AMMECR1L: variants seen among roughly 807,000 people sequenced by gnomAD.
AMMECR1L encodes AMMECR1-like protein.
Under a neutral mutation model 36.8 loss-of-function variants are expected in AMMECR1L, and 4 were observed. That is an observed-to-expected ratio of 0.11 (90% CI 0.05 to 0.25). The LOEUF (loss-of-function observed/expected upper bound fraction) is 0.25, where lower values mean the gene tolerates loss of function less well. AMMECR1L is among the 10% of genes least tolerant of loss of function. The pLI, the probability that AMMECR1L is intolerant of heterozygous loss-of-function variation, is 1.00. For missense variants in AMMECR1L, 232 were observed against 392.1 expected (o/e 0.59, Z 3.45); for synonymous variants, 147 against 148.0 (o/e 0.99, Z 0.05).
chr2:127,873,268 A>G lies in AMMECR1L; in HGVS notation c.407+560T>C, dbSNP rs1415752892. ...TTATTTAAGTCACTGAGACCAGTAG[A>G]GGGCTTGGGACAAGCAACAAAGAAT... On this transcript the variant is annotated intron_variant, in intron 3 of 7. Transcript: ENST00000272647. The surrounding 1 kb of genome is among the most constrained non-coding windows in gnomAD (Gnocchi z 5.2). 1 of 985,368 alleles carries G rather than the reference A, an allele frequency of 1.0e-6. No individual in the cohort carries two copies. The highest frequency in any genetic ancestry group is 1.2e-6 in the Non-Finnish European group (1 of 829,952). 61.0% of individuals were successfully genotyped at this position (985,368 alleles called of 1,614,324 possible).
rs1690570528 is a variant in AMMECR1L, at chr2:127,863,877, G to A, written c.*1217C>T. On this transcript the variant is annotated 3_prime_UTR_variant, in exon 8 of 8. Transcript: ENST00000272647. ...TGGAAATCAGCAACAATGGGAAAGG[G>A]AAATATGTCACATGAAAGTTTGAAA... The A allele has an allele frequency of 6.6e-6, 1 of 152,518 alleles. No individual in the cohort carries two copies. Among genetic ancestry groups the A allele is most frequent in the African/African-American group, 2.4e-5 (1 of 41,466 alleles). The allele number at this position is 152,518 out of a possible 1,614,324, so 9.4% of individuals were successfully genotyped here.
intron 2 of AMMECR1L, among the ~76,000 whole-genome samples, chr2:127,881,664 C>A (rs1398547036): frequency 6.6e-6 from 1 of 152,210 alleles, no homozygotes; most frequent in African/African-American, 2.4e-5. Flanking sequence ...TAACTACTAT[C>A]TATTAAGTGT....
At position 127,865,084 on chromosome 2, in the gene AMMECR1L, C is replaced by T; in HGVS notation, c.*10G>A. ...CCACGGGGGGGTGGGACTGGTCATG[C>T]AGCCGTGTGTCAGGAGTAATGATTG... On this transcript the variant is annotated 3_prime_UTR_variant, in exon 8 of 8. Transcript: ENST00000272647. This position sits in a 1 kb window ranked among gnomAD's most constrained non-coding sequence, Gnocchi z 5.4. 6.2e-7 allele frequency: 1 copy of T among 1,608,198 alleles called. No homozygotes were observed. The highest frequency in any genetic ancestry group is 1.1e-5 in the South Asian group (1 of 90,552).
chr2:127,871,075 G>T lies in AMMECR1L; in HGVS notation c.519-147C>A. 1.1e-6 allele frequency: 1 copy of T among 896,312 alleles called. No homozygotes were observed. The highest frequency in any genetic ancestry group is 1.7e-6 in the Non-Finnish European group (1 of 590,490). 55.5% of individuals were successfully genotyped at this position (896,312 alleles called of 1,614,324 possible). On this transcript the variant is annotated intron_variant, in intron 4 of 7. Transcript: ENST00000272647. The surrounding 1 kb of genome is among the most constrained non-coding windows in gnomAD (Gnocchi z 4.3). The stretch of plus-strand genomic sequence containing the variant: ...ACTAACATGTTAAAAACAACTCGAT[G>T]CTATTAACTGTCTGTACTTGAACTG...
Position 127,862,358 on chromosome 2 carries a change from C to T in AMMECR1L, c.*2736G>A, listed in dbSNP as rs1465692886. ...CCCTTTTCTTTAAACCTACCACGCA[C>T]ACCGCAGGTACTGGCCGCCCTCATC... On this transcript the variant is annotated 3_prime_UTR_variant, in exon 8 of 8. Coordinates refer to ENST00000272647, the MANE Select transcript of AMMECR1L (RefSeq NM_001199140.2). The T allele has an allele frequency of 5.2e-5, 8 of 153,820 alleles. No homozygotes were observed. In the Admixed American group the frequency reaches 5.2e-4, roughly 10 times the overall value. 9.5% of individuals were successfully genotyped at this position (153,820 alleles called of 1,614,324 possible). A position where few individuals can be genotyped will look rare whatever the true frequency, so the allele number is the denominator to read the frequency against.
At chr2:127,870,447 C>A (rs1419717499) in intron 5 of AMMECR1L, among the ~76,000 whole-genome samples, 1 of 152,008 alleles carries the variant, frequency 6.6e-6, no homozygotes, top group Non-Finnish European at 1.5e-5. Flanking sequence ...TGCACTCCAG[C>A]CTGGGGAACA....
chr2:127,867,035 G>C (rs1347166857), intron 6 of AMMECR1L, 39 bp from the exon 7 acceptor site: 1 of 1,612,278 alleles, frequency 6.2e-7, no homozygotes, highest in African/African-American at 1.3e-5. Context: ...CAATGCACAT[G>C]CAAGAGTAAG....
chr2:127,868,819 G>A (rs931274348), intron 6 of AMMECR1L, among the ~76,000 whole-genome samples: 4 of 151,910 alleles, frequency 2.6e-5, no homozygotes, highest in African/African-American at 9.7e-5. Context: ...CTGCCTCCTG[G>A]GTTCAAGTGA....
intron 2 of AMMECR1L, among the ~76,000 whole-genome samples, chr2:127,883,038 C>A (rs916275743): frequency 2.0e-5 from 3 of 151,682 alleles, no homozygotes; most frequent in African/African-American, 7.3e-5. Context: ...CGCCACCATG[C>A]CTGGCAACAA....
chr2:127,883,554 CCT>C (rs1186391255), intron 2 of AMMECR1L, among the ~76,000 whole-genome samples: 4 of 151,996 alleles, frequency 2.6e-5, no homozygotes, highest in Non-Finnish European at 5.9e-5. Flanking sequence ...ACATTTATCC[CCT>C]GTGTCCCTCA....
chr2:127,862,634 C>T lies in AMMECR1L; in HGVS notation c.*2460G>A, dbSNP rs558783774. The T allele has an allele frequency of 6.5e-6, 1 of 152,902 alleles. No homozygotes were observed. Among genetic ancestry groups the T allele is most frequent in the Non-Finnish European group, 1.5e-5 (1 of 68,056 alleles). 9.5% of individuals were successfully genotyped at this position (152,902 alleles called of 1,614,324 possible). ...GGTTTCCCTTGGTCGACTCCTGAGTCCCCTGACAAAGCAAGAGGAACCCAA... is the reference window on the plus strand; with the variant it reads ...GGTTTCCCTTGGTCGACTCCTGAGTTCCCTGACAAAGCAAGAGGAACCCAA... On this transcript the variant is annotated 3_prime_UTR_variant, in exon 8 of 8. Coordinates refer to ENST00000272647, the MANE Select transcript of AMMECR1L (RefSeq NM_001199140.2).
At chr2:127,868,169 A>C (rs1485184792) in intron 6 of AMMECR1L, among the ~76,000 whole-genome samples, 1 of 152,212 alleles carries the variant, frequency 6.6e-6, no homozygotes, top group East Asian at 1.9e-4. Flanking sequence ...GCCCAGCCTC[A>C]TTCTTAACAG....
intron 1 of AMMECR1L, chr2:127,885,110 A>G: frequency 2.0e-6 from 2 of 980,394 alleles, no homozygotes; most frequent in Non-Finnish European, 2.4e-6. Context: ...CATGAAACCC[A>G]GCGTGTCAGG....
In AMMECR1L at chr2:127,869,484, T is replaced by C. The variant is rs1482266948; in HGVS notation, c.694A>G (p.Thr232Ala). 1.9e-6 allele frequency: 3 copies of C among 1,614,086 alleles called. No individual in the cohort carries two copies. The highest frequency in any genetic ancestry group is 1.1e-5 in the South Asian group (1 of 91,078). Reference sequence around the variant, plus strand: ...TCCTTAGCAACCTCAGGTAAATATGTGGCTGTGCGTTTGACACCTTTTTCA... The same window carrying C: ...TCCTTAGCAACCTCAGGTAAATATGCGGCTGTGCGTTTGACACCTTTTTCA... Reference protein sequence around the residue: ...INEKGVKRTATYLPEVAKEQD... With the variant: ...INEKGVKRTAAYLPEVAKEQD... Residue 232 changes from threonine (T) to alanine (A), a missense_variant, in exon 6 of 8, where the codon ACA becomes GCA. Coordinates refer to ENST00000272647, the MANE Select transcript of AMMECR1L (RefSeq NM_001199140.2). This position sits in a 1 kb window ranked among gnomAD's most constrained non-coding sequence, Gnocchi z 4.7.
chr2:127,883,258 T>G (rs1326040966), intron 2 of AMMECR1L, among the ~76,000 whole-genome samples: 1 of 151,938 alleles, frequency 6.6e-6, no homozygotes, highest in African/African-American at 2.4e-5. Flanking sequence ...CCACCACACC[T>G]GGCTAATTTT....
intron 3 of AMMECR1L, among the ~76,000 whole-genome samples, chr2:127,872,427 C>T (rs1419239138): frequency 6.6e-6 from 1 of 152,140 alleles, no homozygotes; most frequent in Non-Finnish European, 1.5e-5. Context: ...ATCAGATTGA[C>T]AGTGACAGAT....
At chr2:127,867,320 C>T (rs1403871201) in intron 6 of AMMECR1L, 1 of 985,310 alleles carries the variant, frequency 1.0e-6, no homozygotes, top group Non-Finnish European at 1.2e-6. Context: ...AGCCTATTGG[C>T]CTAGTGCTGG....
In AMMECR1L at chr2:127,871,002, A is replaced by G. The variant is rs1690938989; in HGVS notation, c.519-74T>C. Reference sequence around the variant, plus strand: ...CAATATCAGGTGCCATAGAGCCCACATATTTATGAATCTTGAGCTATGCAG... The same window carrying G: ...CAATATCAGGTGCCATAGAGCCCACGTATTTATGAATCTTGAGCTATGCAG... On this transcript the variant is annotated intron_variant, in intron 4 of 7. Transcript: ENST00000272647. The surrounding 1 kb of genome is among the most constrained non-coding windows in gnomAD (Gnocchi z 4.3). 4.3e-6 allele frequency: 5 copies of G among 1,157,648 alleles called. No homozygotes were observed. Among genetic ancestry groups the G allele is most frequent in the East Asian group, 2.5e-5 (1 of 40,360 alleles). 71.7% of individuals were successfully genotyped at this position (1,157,648 alleles called of 1,614,324 possible).
chr2:127,883,222 A>G (rs1461719737), intron 2 of AMMECR1L, among the ~76,000 whole-genome samples: 1 of 151,696 alleles, frequency 6.6e-6, no homozygotes, highest in African/African-American at 2.4e-5. Flanking sequence ...TCAGCCTCCC[A>G]AGTAGCTGAG....
Sources: allele counts gnomAD v4.1 joint callset (sites outside exome capture counted in the v4.1 genomes callset), GRCh38; gene constraint gnomAD v4.1.1; non-coding constraint Gnocchi (gnomAD v3.1); transcripts MANE v1.5; gene names NCBI Gene and HGNC (gene_info 2026-07-23, HGNC 2026-07-21).